ABCB5: variants seen among roughly 807,000 people sequenced by gnomAD.
ABCB5 encodes the protein ATP-binding cassette sub-family B member 5.
In ABCB5, 155 loss-of-function variants were observed where a neutral mutation model predicts 144.2. The ratio of observed to expected loss-of-function variants is 1.08; its 90% CI spans 0.94 to 1.23. The LOEUF (loss-of-function observed/expected upper bound fraction) is 1.23. ABCB5 is among the 50% of genes most tolerant of loss of function. The probability of loss-of-function intolerance (pLI) is 0.00; values close to 1 mark genes in which losing one functional copy is unlikely to be tolerated. For synonymous variants in ABCB5, 610 were observed against 528.6 expected (o/e 1.15, Z -2.11); for missense variants, 1,830 against 1,520.8 (o/e 1.20, Z -3.38).
intron 1 of ABCB5, among the ~76,000 whole-genome samples, chr7:20,619,617 C>T (rs1783766338): frequency 6.6e-6 from 1 of 152,020 alleles, no homozygotes; most frequent in Admixed American, 6.6e-5. Context: ...TATTTTCTCT[C>T]ATTTTGTAGG....
At chr7:20,718,710 G>A (rs1781767399) in intron 20 of ABCB5, among the ~76,000 whole-genome samples, 2 of 152,054 alleles carry the variant, frequency 1.3e-5, no homozygotes, top group African/African-American at 4.8e-5. Context: ...GAAGCAATTT[G>A]GCAATACCCA....
rs1176960602 is a variant in ABCB5 at position 20,643,235 on chromosome 7, C to T, written c.366C>T (p.Tyr122=). 2 of 1,613,566 alleles carry T rather than the reference C, an allele frequency of 1.2e-6. No individual in the cohort carries two copies. The highest frequency in any genetic ancestry group is 1.7e-6 in the Non-Finnish European group (2 of 1,179,676). The change falls in exon 6 of 28, where the codon TAC becomes TAT. Residue 122 remains tyrosine (Y), a synonymous_variant. Coordinates refer to ENST00000404938, the MANE Select transcript of ABCB5 (RefSeq NM_001163941.2). ...GTGTTGCTGCCTTGATTTTTGGTTA[C>T]ATACAGATTTCCTTGTGGATTATAA... The part of the protein sequence containing the change: ...GIGVAALIFG[Y]IQISLWIITA...
intron 10 of ABCB5, 118 bp from the exon 11 acceptor site, chr7:20,647,850 C>A: frequency 1.8e-6 from 2 of 1,089,866 alleles, no homozygotes; most frequent in South Asian, 1.5e-5. Flanking sequence ...ACTCAATGCA[C>A]TTCTAAAGCA....
intron 1 of ABCB5, among the ~76,000 whole-genome samples, chr7:20,617,044 A>T (rs961596517): frequency 6.6e-6 from 1 of 152,176 alleles, no homozygotes; most frequent in African/African-American, 2.4e-5. Context: ...TAAATACCAC[A>T]TTACTCTTCA....
intron 5 of ABCB5, among the ~76,000 whole-genome samples, chr7:20,632,754 C>A (rs988483652): frequency 1.3e-5 from 2 of 151,552 alleles, no homozygotes; most frequent in Admixed American, 6.6e-5. Flanking sequence ...AGTAAACTAT[C>A]GCAAGAGCAA....
chr7:20,681,279 A>G (rs145503936), intron 14 of ABCB5, among the ~76,000 whole-genome samples: 1 of 151,940 alleles, frequency 6.6e-6, no homozygotes, highest in African/African-American at 2.4e-5. Context: ...GGTGCCCGCA[A>G]CCAAGCCTGG....
chr7:20,711,849 C>CTTTCTTTCTTTTT (rs1562573834), intron 20 of ABCB5, among the ~76,000 whole-genome samples: 1 of 60,736 alleles, frequency 1.6e-5, no homozygotes. Context: ...TCTTTCTTTT[C>CTTTCTTTCTTTTT]TTTCTTTCTT....
In ABCB5 at chr7:20,628,726, C is replaced by A; in HGVS notation, c.147C>A (p.Ile49=). The stretch of plus-strand genomic sequence containing the variant: ...ATGGACTGGACATCACACTCATGAT[C>A]CTGGGTATACTGGCATCACTGGTCA... The part of the protein sequence containing the change: ...FADGLDITLM[I]LGILASLVNG... Residue 49 remains isoleucine (I), a synonymous_variant, in exon 4 of 28, where the codon ATC becomes ATA. Coordinates refer to ENST00000404938, the MANE Select transcript of ABCB5 (RefSeq NM_001163941.2). The A allele has an allele frequency of 1.2e-6, 2 of 1,613,426 alleles. No homozygotes were observed. Among genetic ancestry groups the A allele is most frequent in the Non-Finnish European group, 1.7e-6 (2 of 1,179,734 alleles).
At chr7:20,635,218 T>A (rs1273717046) in intron 5 of ABCB5, among the ~76,000 whole-genome samples, 1 of 152,130 alleles carries the variant, frequency 6.6e-6, no homozygotes, top group Non-Finnish European at 1.5e-5. Flanking sequence ...GTTGTAGGTA[T>A]GTGGCTTTAT....
chr7:20,740,991 T>C (rs916791565), intron 24 of ABCB5, among the ~76,000 whole-genome samples: 5 of 151,566 alleles, frequency 3.3e-5, no homozygotes, highest in Admixed American at 1.3e-4. Flanking sequence ...TCACCCCAGC[T>C]GCTCGGGAGG....
intron 16 of ABCB5, among the ~76,000 whole-genome samples, chr7:20,694,847 A>T (rs531691788): frequency 6.6e-6 from 1 of 152,224 alleles, no homozygotes; most frequent in South Asian, 2.1e-4. Context: ...TATGTACAAT[A>T]GTACCAAAAT....
At chr7:20,726,428 ATGAT>A (rs1304485767) in intron 21 of ABCB5, among the ~76,000 whole-genome samples, 1 of 119,312 alleles carries the variant, frequency 8.4e-6, no homozygotes, top group East Asian at 2.9e-4. Flanking sequence ...AGTGCAGTGG[ATGAT>A]CTCAGCTCAC....
At chr7:20,665,728 TA>T (rs1225887538) in intron 14 of ABCB5, among the ~76,000 whole-genome samples, 52 of 122,890 alleles carry the variant, frequency 4.2e-4, no homozygotes, top group African/African-American at 1.5e-3. Flanking sequence ...GATGGAAAGA[TA>T]GATAGATAGA....
At chr7:20,727,742 G>A (rs545082275) in intron 22 of ABCB5, among the ~76,000 whole-genome samples, 5 of 151,996 alleles carry the variant, frequency 3.3e-5, no homozygotes, top group Non-Finnish European at 7.4e-5. Flanking sequence ...AAAAGAGCTC[G>A]GCCCTTTACA....
chr7:20,731,004 G>GT (rs1429479515), intron 23 of ABCB5, among the ~76,000 whole-genome samples: 5 of 151,794 alleles, frequency 3.3e-5, no homozygotes, highest in Admixed American at 1.3e-4. Context: ...ATTTTCATCT[G>GT]TTTTCATCAA....
intron 5 of ABCB5, among the ~76,000 whole-genome samples, chr7:20,637,689 G>C: frequency 6.6e-6 from 1 of 152,144 alleles, no homozygotes; most frequent in East Asian, 1.9e-4. Flanking sequence ...CAAAGTGCTA[G>C]GATTATAGGC....
chr7:20,630,742 A>G (rs1446419644), intron 4 of ABCB5, among the ~76,000 whole-genome samples: 1 of 152,174 alleles, frequency 6.6e-6, no homozygotes, highest in Non-Finnish European at 1.5e-5. Flanking sequence ...ACCTAAGGCC[A>G]TCTGCTTGGG....
chr7:20,633,948 C>CT (rs1784094946), intron 5 of ABCB5, among the ~76,000 whole-genome samples: 1 of 151,998 alleles, frequency 6.6e-6, no homozygotes, highest in South Asian at 2.1e-4. Context: ...GAAGTCTGGG[C>CT]TTTTTGTGTA....
At chr7:20,719,032 A>G (rs1781776130) in intron 20 of ABCB5, among the ~76,000 whole-genome samples, 1 of 152,236 alleles carries the variant, frequency 6.6e-6, no homozygotes, top group South Asian at 2.1e-4. Flanking sequence ...TAACTGCAGT[A>G]TAATGTACAA....
Sources: allele counts gnomAD v4.1 joint callset (sites outside exome capture counted in the v4.1 genomes callset), GRCh38; gene constraint gnomAD v4.1.1; transcripts MANE v1.5; gene names NCBI Gene and HGNC (gene_info 2026-07-23, HGNC 2026-07-21).